UGT1A8: variants seen among roughly 807,000 people sequenced by gnomAD.
UGT1A8 encodes UDP glucuronosyltransferase family 1 member A8, also known as UDP-glucuronosyltransferase 1A8.
UGT1A8 carries 39 observed loss-of-function variants against 45.3 expected under a neutral mutation model. The ratio of observed to expected loss-of-function variants is 0.86; its 90% CI spans 0.67 to 1.12. The LOEUF is 1.12. Among genes scored for constraint, UGT1A8 ranks in the 50% most tolerant of loss-of-function variants. The probability of loss-of-function intolerance (pLI) is 0.00; values close to 1 mark genes in which losing one functional copy is unlikely to be tolerated. For missense variants in UGT1A8, 719 were observed against 664.9 expected (o/e 1.08, Z -0.90); for synonymous variants, 275 against 249.2 (o/e 1.10, Z -0.97).
At chr2:233,635,211 CT>C (rs1559317141) in intron 1 of UGT1A8, among the ~76,000 whole-genome samples, 1 of 150,538 alleles carries the variant, frequency 6.6e-6, no homozygotes, top group African/African-American at 2.5e-5. Context: ...GTAACAGGAC[CT>C]TTCTCTCTGG....
Position 233,772,346 on chromosome 2 carries a change from GT to G in UGT1A8, c.1383del (p.Phe461LeufsTer2), listed in dbSNP as rs773231664. The G allele has an allele frequency of 6.2e-7, 1 of 1,614,250 alleles. No individual in the cohort carries two copies. Among genetic ancestry groups the G allele is most frequent in the South Asian group, 1.1e-5 (1 of 91,090 alleles). ...PLDLAVFWVE[F>X]VMRHKGAPHL... ...TGGACCTGGCCGTGTTCTGGGTGGA[GT>G]TTGTGATGAGGCACAAGGGCGCGCC... On this transcript the variant is annotated frameshift_variant, in exon 5 of 5. Transcript: ENST00000373450. LOFTEE classifies it high-confidence loss of function.
At chr2:233,696,869 T>A (rs1016300613) in intron 1 of UGT1A8, among the ~76,000 whole-genome samples, 1 of 152,244 alleles carries the variant, frequency 6.6e-6, no homozygotes, top group African/African-American at 2.4e-5. Context: ...TTTTTCAGCA[T>A]CTACAACATA....
chr2:233,651,869 G>T (rs1308379840), intron 1 of UGT1A8, among the ~76,000 whole-genome samples: 2 of 152,120 alleles, frequency 1.3e-5, no homozygotes, highest in African/African-American at 4.8e-5. Flanking sequence ...GGTTTTTCCT[G>T]AAGGTCTCCA....
At chr2:233,661,642 T>TCTTTCTTTCTTTCTTTCTTC (rs2073969336) in intron 1 of UGT1A8, among the ~76,000 whole-genome samples, 1 of 143,632 alleles carries the variant, frequency 7.0e-6, no homozygotes, top group Non-Finnish European at 1.5e-5. Flanking sequence ...TTTCTTTCTT[T>TCTTTCTTTCTTTCTTTCTTC]CTTTCTTTCT....
chr2:233,679,848 T>A (rs990839765), intron 1 of UGT1A8, among the ~76,000 whole-genome samples: 2 of 152,204 alleles, frequency 1.3e-5, no homozygotes, highest in Admixed American at 1.3e-4. Flanking sequence ...CAAATCACAT[T>A]GGCATCTATA....
At chr2:233,742,895 GA>G in intron 1 of UGT1A8, 1 of 165,112 alleles carries the variant, frequency 6.1e-6, no homozygotes, top group Non-Finnish European at 1.3e-5. Flanking sequence ...TTTCCCAACG[GA>G]AAAAGGTAAT....
At position 233,693,745 on chromosome 2, in the gene UGT1A8, T is replaced by C. The variant is rs368550302; in HGVS notation, c.856-73289T>C. On this transcript the variant is annotated intron_variant, in intron 1 of 4. Transcript: ENST00000373450. The stretch of plus-strand genomic sequence containing the variant: ...GAGATGTGGATATAATCACCTTATA[T>C]CAGAAGGTCTCTGTTTGGCTGTTAA... 4.3e-6 allele frequency: 7 copies of C among 1,614,236 alleles called. No homozygotes were observed. The South Asian group carries it at 7.7e-5, about 18-fold the overall frequency.
At chr2:233,745,561 A>G (rs1490728592) in intron 1 of UGT1A8, among the ~76,000 whole-genome samples, 1 of 151,724 alleles carries the variant, frequency 6.6e-6, no homozygotes, top group Admixed American at 6.6e-5. Context: ...CTAAGTTTAT[A>G]TAGCCTCTAG....
At chr2:233,691,328 C>T in intron 1 of UGT1A8, 1 of 985,570 alleles carries the variant, frequency 1.0e-6, no homozygotes, top group South Asian at 4.7e-5. Context: ...CCAGCTTGGA[C>T]TGAGCTGAGT....
In UGT1A8 at chr2:233,738,243, A is replaced by C. The variant is rs57963849; in HGVS notation, c.856-28791A>C. Among the ~76,000 whole-genome samples, 1,478 of 152,302 alleles carry C rather than the reference A, an allele frequency of 9.7e-3. 33 individuals are homozygous for C. The highest frequency in any genetic ancestry group is 0.033 in the African/African-American group (1,387 of 41,562). On this transcript the variant is annotated intron_variant, in intron 1 of 4. Coordinates refer to ENST00000373450, the MANE Select transcript of UGT1A8 (RefSeq NM_019076.5). Reference sequence around the variant, plus strand: ...AGTTTCCTGAGGCCCCTCCAGCCACATGGAACTGGAGTCAATTAAAGCTCT... The same window carrying C: ...AGTTTCCTGAGGCCCCTCCAGCCACCTGGAACTGGAGTCAATTAAAGCTCT...
At chr2:233,725,685 C>T (rs2077466808) in intron 1 of UGT1A8, among the ~76,000 whole-genome samples, 2 of 152,008 alleles carry the variant, frequency 1.3e-5, no homozygotes, top group African/African-American at 4.8e-5. Flanking sequence ...TTCAAGTGCT[C>T]AATAGTCATA....
intron 1 of UGT1A8, among the ~76,000 whole-genome samples, chr2:233,651,419 T>A (rs558545916): frequency 2.0e-5 from 3 of 152,366 alleles, no homozygotes; most frequent in Admixed American, 6.5e-5. Flanking sequence ...TGGTTTTACA[T>A]GTCTAAAAAA....
intron 1 of UGT1A8, chr2:233,691,651 C>T (rs1365739862): frequency 5.1e-5 from 50 of 985,020 alleles, no homozygotes; most frequent in Middle Eastern, 5.2e-4. Flanking sequence ...GCCAGTGTGA[C>T]CCTCCCTTTC....
At chr2:233,668,247 G>A (rs114404084) in intron 1 of UGT1A8, among the ~76,000 whole-genome samples, 1,890 of 151,604 alleles carry the variant, frequency 0.012, 37 homozygotes, top group African/African-American at 0.043. Context: ...GATATTCCCC[G>A]CCCTGTGTCC....
At chr2:233,741,418 C>T (rs1400059458) in intron 1 of UGT1A8, 1 of 151,750 alleles carries the variant, frequency 6.6e-6, no homozygotes, top group Non-Finnish European at 1.5e-5. Context: ...TGAACTGCTC[C>T]AAAAGCAAAC....
intron 1 of UGT1A8, among the ~76,000 whole-genome samples, chr2:233,727,559 C>G (rs1406536864): frequency 6.6e-6 from 1 of 152,176 alleles, no homozygotes; most frequent in Non-Finnish European, 1.5e-5. Flanking sequence ...CTGGGCTCAT[C>G]ATGAGGGTGC....
intron 1 of UGT1A8, among the ~76,000 whole-genome samples, chr2:233,695,491 T>C (rs2075292104): frequency 6.6e-6 from 1 of 152,018 alleles, no homozygotes; most frequent in South Asian, 2.1e-4. Context: ...CTCTTTTCTA[T>C]CAAAGTTTTT....
Position 233,768,287 on chromosome 2 carries a change from T to C in UGT1A8, c.1143T>C (p.Asn381=), listed in dbSNP as rs1256701591. ...ATGGTGTTTATGAAAGCATATGCAA[T>C]GGCGTTCCCATGGTGATGATGCCCT... ...GSHGVYESIC[N]GVPMVMMPLF... Residue 381 remains asparagine (N), a synonymous_variant, in exon 4 of 5, where the codon AAT becomes AAC. Coordinates refer to ENST00000373450, the MANE Select transcript of UGT1A8 (RefSeq NM_019076.5). 1 of 1,614,056 alleles carries C rather than the reference T, an allele frequency of 6.2e-7. No homozygotes were observed. Among genetic ancestry groups the C allele is most frequent in the Non-Finnish European group, 8.5e-7 (1 of 1,180,042 alleles).
intron 1 of UGT1A8, among the ~76,000 whole-genome samples, chr2:233,707,311 A>G (rs2075954377): frequency 1.3e-5 from 2 of 152,116 alleles, no homozygotes; most frequent in Non-Finnish European, 2.9e-5. Context: ...GGTTTGTTAC[A>G]TAGCTAAACA....
Sources: allele counts gnomAD v4.1 joint callset (sites outside exome capture counted in the v4.1 genomes callset), GRCh38; gene constraint gnomAD v4.1.1; transcripts MANE v1.5; gene names NCBI Gene and HGNC (gene_info 2026-07-23, HGNC 2026-07-21).